The following RMDN2 variants were observed in gnomAD, a reference collection of about 807,000 sequenced individuals.
RMDN2 encodes the protein regulator of microtubule dynamics 2.
A neutral mutation model predicts 52.8 loss-of-function variants in RMDN2; 61 were observed. The observed-to-expected ratio is 1.16, with a 90% CI of 0.94 to 1.43. The LOEUF (loss-of-function observed/expected upper bound fraction) is 1.43. Ranked by LOEUF, RMDN2 falls within the 40% of genes most tolerant of loss-of-function variation. RMDN2 has a pLI of 0.00. For synonymous variants in RMDN2, 180 were observed against 153.1 expected (o/e 1.18, Z -1.30); for missense variants, 592 against 475.3 (o/e 1.25, Z -2.28).
chr2:38,049,183 G>A (rs1364792231), intron 10 of RMDN2, among the ~76,000 whole-genome samples: 2 of 152,184 alleles, frequency 1.3e-5, no homozygotes, highest in African/African-American at 4.8e-5. Context: ...CGCCTAGGAT[G>A]GAGCAAGTCA....
intron 2 of RMDN2, chr2:37,952,336 T>G: frequency 1.3e-6 from 1 of 785,540 alleles, no homozygotes; most frequent in Non-Finnish European, 2.0e-6. Flanking sequence ...CTGAAGAAGA[T>G]TCCTACATTG....
chr2:38,038,179 G>GGA (rs553256990), intron 10 of RMDN2, among the ~76,000 whole-genome samples: 232 of 152,248 alleles, frequency 1.5e-3, no homozygotes, highest in Non-Finnish European at 1.9e-3. Context: ...CAAGCCCAGG[G>GGA]GAGGGCTTCC....
intron 2 of RMDN2, among the ~76,000 whole-genome samples, chr2:37,932,868 AC>A (rs535908169): frequency 9.0e-6 from 1 of 111,590 alleles, no homozygotes; most frequent in Non-Finnish European, 1.9e-5. Flanking sequence ...CGGGAGGCTG[AC>A]CCCCCCACCT....
intron 10 of RMDN2, among the ~76,000 whole-genome samples, chr2:38,016,501 T>G (rs1678805442): frequency 6.6e-6 from 1 of 152,234 alleles, no homozygotes; most frequent in African/African-American, 2.4e-5. Context: ...ACACCGTGAA[T>G]TAACACTGGA....
chr2:38,016,518 C>G (rs982665207), intron 10 of RMDN2, among the ~76,000 whole-genome samples: 9 of 152,166 alleles, frequency 5.9e-5, no homozygotes, highest in Non-Finnish European at 8.8e-5. Flanking sequence ...TGGAGAGAAG[C>G]CATATGAATA....
intron 10 of RMDN2, among the ~76,000 whole-genome samples, chr2:38,034,880 A>G (rs1229040338): frequency 2.6e-5 from 4 of 152,062 alleles, no homozygotes; most frequent in African/African-American, 9.6e-5. Flanking sequence ...AAAGCTTTTT[A>G]TCTGAGCTCA....
At chr2:37,935,108 C>T (rs1667174923) in intron 2 of RMDN2, among the ~76,000 whole-genome samples, 1 of 152,066 alleles carries the variant, frequency 6.6e-6, no homozygotes, top group Admixed American at 6.5e-5. Context: ...TCATATGATA[C>T]TCTCATATAG....
At chr2:38,034,645 C>G (rs1201077833) in intron 10 of RMDN2, among the ~76,000 whole-genome samples, 1 of 151,578 alleles carries the variant, frequency 6.6e-6, no homozygotes, top group Non-Finnish European at 1.5e-5. Context: ...CCTCTAAACC[C>G]ATGCTCTCCA....
At chr2:38,059,793 A>G (rs931210979) in intron 10 of RMDN2, among the ~76,000 whole-genome samples, 2 of 152,212 alleles carry the variant, frequency 1.3e-5, no homozygotes, top group East Asian at 1.9e-4. Context: ...AAACTCCCCT[A>G]CACTCTGTTG....
intron 10 of RMDN2, among the ~76,000 whole-genome samples, chr2:38,047,358 G>A (rs999723674): frequency 1.3e-5 from 2 of 152,138 alleles, no homozygotes; most frequent in Non-Finnish European, 2.9e-5. Context: ...CCAAACAGTA[G>A]AAATAATACA....
At chr2:38,002,148 G>A (rs1181536314) in intron 8 of RMDN2, among the ~76,000 whole-genome samples, 1 of 152,144 alleles carries the variant, frequency 6.6e-6, no homozygotes, top group Non-Finnish European at 1.5e-5. Context: ...CAAGGGATGT[G>A]CCCTTATAAG....
At chr2:37,930,609 A>G (rs1666652959) in intron 2 of RMDN2, among the ~76,000 whole-genome samples, 1 of 152,182 alleles carries the variant, frequency 6.6e-6, no homozygotes, top group Non-Finnish European at 1.5e-5. Context: ...AGGGAGACCA[A>G]AGACTTACTT....
chr2:38,040,250 A>G (rs1680872550), intron 10 of RMDN2, among the ~76,000 whole-genome samples: 1 of 152,000 alleles, frequency 6.6e-6, no homozygotes, highest in Non-Finnish European at 1.5e-5. Flanking sequence ...TATCAATACC[A>G]CGCTGTCTTT....
chr2:37,925,014 C>A (rs1207467501), upstream of RMDN2, among the ~76,000 whole-genome samples: 6 of 152,114 alleles, frequency 3.9e-5, no homozygotes, highest in African/African-American at 1.4e-4. Flanking sequence ...TGGCGGTGGG[C>A]GTGCGGAGTG....
At chr2:37,966,269 T>C (rs1671035100) in intron 2 of RMDN2, among the ~76,000 whole-genome samples, 1 of 152,016 alleles carries the variant, frequency 6.6e-6, no homozygotes, top group Admixed American at 6.6e-5. Flanking sequence ...ATACAAAAAT[T>C]AGCCAGGTGT....
intron 4 of RMDN2, chr2:37,976,193 A>G (rs1408825478): frequency 3.3e-5 from 5 of 152,198 alleles, no homozygotes; most frequent in Admixed American, 6.5e-5. Context: ...TCTGACATCT[A>G]TACTTTTCTA....
At chr2:37,921,700 G>A (rs1572649567), upstream of RMDN2, among the ~76,000 whole-genome samples, 1 of 152,174 alleles carries the variant, frequency 6.6e-6, no homozygotes, top group African/African-American at 2.4e-5. Flanking sequence ...GGGTCTGGGG[G>A]TCCAAGATGG....
At chr2:38,040,045 C>CATTATTATTATTATTATTATT (rs60031771) in intron 10 of RMDN2, among the ~76,000 whole-genome samples, 1 of 141,686 alleles carries the variant, frequency 7.1e-6, no homozygotes, top group African/African-American at 2.6e-5. Flanking sequence ...TGTCTAGATT[C>CATTATTATTATTATTATTATT]ATTATTATTA....
At chr2:38,020,737 C>G (rs1312263346), downstream of RMDN2, among the ~76,000 whole-genome samples, 2 of 152,240 alleles carry the variant, frequency 1.3e-5, no homozygotes, top group Non-Finnish European at 2.9e-5. Context: ...CAGGCCTTAG[C>G]TGCCTCCCGG....
Sources: gnomAD v4.1 joint callset for allele counts (sites outside exome capture counted in the v4.1 genomes callset) on GRCh38, gnomAD v4.1.1 for gene constraint, MANE v1.5 for transcripts, NCBI Gene and HGNC (gene_info 2026-07-23, HGNC 2026-07-21) for gene names.